Variants in STK32B observed in about 807,000 individuals in gnomAD.
The protein encoded by STK32B is serine/threonine kinase 32B, also known as serine/threonine-protein kinase 32B.
In STK32B, 43 loss-of-function variants were observed where a neutral mutation model predicts 52.6. The ratio of observed to expected loss-of-function variants is 0.82; its 90% CI spans 0.64 to 1.05. The LOEUF (loss-of-function observed/expected upper bound fraction) is 1.05, where lower values mean the gene tolerates loss of function less well. Ranked by LOEUF, STK32B falls within the 50% of genes least tolerant of loss-of-function variation. The probability of loss-of-function intolerance (pLI) is 0.00; values close to 1 mark genes in which losing one functional copy is unlikely to be tolerated. For synonymous variants in STK32B, 238 were observed against 204.3 expected (o/e 1.17, Z -1.41); for missense variants, 621 against 534.6 (o/e 1.16, Z -1.59).
At chr4:5,170,109 TG>T (rs768141629) in intron 3 of STK32B, among the ~76,000 whole-genome samples, 1 of 152,160 alleles carries the variant, frequency 6.6e-6, no homozygotes, top group East Asian at 1.9e-4. Context: ...TTCTGTCATG[TG>T]GGTTACTTGG....
intron 1 of STK32B, among the ~76,000 whole-genome samples, chr4:5,062,372 T>C (rs1028206720): frequency 1.3e-5 from 2 of 152,220 alleles, no homozygotes; most frequent in Non-Finnish European, 2.9e-5. Context: ...ACACACAAAA[T>C]GAGCCAACTC....
rs144910379 is a variant in STK32B, at chr4:5,319,874, G to A, written c.261-11346G>A. On this transcript the variant is annotated intron_variant, in intron 3 of 11. Transcript: ENST00000282908. ...CAGAGGATGTGGCTGCCTCTGCTGC[G>A]GGTGAGAAGCTGCCTCCCAGAATGA... is the stretch of plus-strand genomic sequence containing the variant. 3.1e-3 allele frequency among the ~76,000 whole-genome samples: 477 copies of A among 152,246 alleles called. 3 individuals carry two copies. The highest frequency in any genetic ancestry group is 0.011 in the African/African-American group (438 of 41,534).
intron 3 of STK32B, among the ~76,000 whole-genome samples, chr4:5,312,784 T>A (rs1730393025): frequency 1.3e-5 from 2 of 151,164 alleles, no homozygotes; most frequent in Admixed American, 6.6e-5. Context: ...TGATTTATAG[T>A]CCTTTGGGTA....
At chr4:5,171,269 C>G (rs1719348275) in intron 3 of STK32B, among the ~76,000 whole-genome samples, 1 of 152,058 alleles carries the variant, frequency 6.6e-6, no homozygotes, top group Non-Finnish European at 1.5e-5. Context: ...CCTGTTCACT[C>G]TGATGGTGGT....
chr4:5,368,840 A>G (rs1223577519), intron 4 of STK32B, among the ~76,000 whole-genome samples: 4 of 152,180 alleles, frequency 2.6e-5, no homozygotes, highest in African/African-American at 9.7e-5. Flanking sequence ...CTCCGCAGGA[A>G]GCTCATTCAT....
intron 6 of STK32B, among the ~76,000 whole-genome samples, chr4:5,445,703 A>G (rs954270091): frequency 1.4e-4 from 21 of 152,108 alleles, no homozygotes; most frequent in Admixed American, 7.9e-4. Context: ...AAAGTGAACA[A>G]TTCAGTAGCA....
intron 4 of STK32B, among the ~76,000 whole-genome samples, chr4:5,370,675 C>T (rs1436639533): frequency 6.6e-6 from 1 of 152,036 alleles, no homozygotes; most frequent in Non-Finnish European, 1.5e-5. Flanking sequence ...TTCACCTCAT[C>T]TGTTAAAAAA....
chr4:5,100,801 C>CTCTCCTTT (rs374041243), intron 1 of STK32B, among the ~76,000 whole-genome samples: 1 of 120,728 alleles, frequency 8.3e-6, no homozygotes, highest in Admixed American at 8.6e-5. Context: ...TATTCCTTCC[C>CTCTCCTTT]CTTCCTTCCT....
chr4:5,495,408 C>T (rs1380868362), intron 11 of STK32B, among the ~76,000 whole-genome samples: 2 of 152,170 alleles, frequency 1.3e-5, no homozygotes, highest in African/African-American at 4.8e-5. Context: ...AGTTCTCGAG[C>T]CTTGGCTTTC....
At chr4:5,324,792 G>C (rs534243903) in intron 3 of STK32B, among the ~76,000 whole-genome samples, 1 of 152,308 alleles carries the variant, frequency 6.6e-6, no homozygotes, top group South Asian at 2.1e-4. Flanking sequence ...GGAATATTGT[G>C]GGTGAACGTG....
chr4:5,130,480 C>T (rs1715692336), intron 1 of STK32B, among the ~76,000 whole-genome samples: 1 of 152,004 alleles, frequency 6.6e-6, no homozygotes, highest in East Asian at 1.9e-4. Flanking sequence ...AGAAGGTAGG[C>T]AAAAGGCAAA....
intron 3 of STK32B, among the ~76,000 whole-genome samples, chr4:5,315,912 C>G (rs1014446002): frequency 6.6e-6 from 1 of 150,438 alleles, no homozygotes; most frequent in Non-Finnish European, 1.5e-5. Context: ...GCTGTGTTGG[C>G]CAAGCTGATC....
intron 11 of STK32B, among the ~76,000 whole-genome samples, chr4:5,494,911 T>C (rs534802762): frequency 1.3e-5 from 2 of 152,360 alleles, no homozygotes; most frequent in Admixed American, 1.3e-4. Context: ...GCCCCCACTC[T>C]CTTCTGGCTT....
At chr4:5,203,938 C>T (rs971478267) in intron 3 of STK32B, 2 of 152,254 alleles carry the variant, frequency 1.3e-5, no homozygotes, top group Non-Finnish European at 2.9e-5. Context: ...TGTGAGAGCC[C>T]AGCTGTCTTG....
intron 3 of STK32B, among the ~76,000 whole-genome samples, chr4:5,330,935 A>G (rs1227484294): frequency 6.6e-6 from 1 of 152,192 alleles, no homozygotes; most frequent in Non-Finnish European, 1.5e-5. Flanking sequence ...GCTGGAGTCC[A>G]GTAGTAGTTA....
At chr4:5,441,438 G>A (rs1350224439) in intron 6 of STK32B, among the ~76,000 whole-genome samples, 1 of 150,534 alleles carries the variant, frequency 6.6e-6, no homozygotes, top group Admixed American at 6.6e-5. Flanking sequence ...ATTTCTGTGG[G>A]ATCAGTGGTG....
At chr4:5,291,531 T>C (rs1728891210) in intron 3 of STK32B, among the ~76,000 whole-genome samples, 1 of 152,188 alleles carries the variant, frequency 6.6e-6, no homozygotes, top group Admixed American at 6.5e-5. Flanking sequence ...ACTAAATTCA[T>C]GTATTAGTTC....
intron 3 of STK32B, among the ~76,000 whole-genome samples, chr4:5,258,646 C>T (rs1726492683): frequency 6.6e-6 from 1 of 152,294 alleles, no homozygotes. Flanking sequence ...TCCTTCAGCA[C>T]ATCCAGGATC....
intron 3 of STK32B, among the ~76,000 whole-genome samples, chr4:5,324,833 G>C (rs939171222): frequency 3.3e-5 from 5 of 152,200 alleles, no homozygotes; most frequent in African/African-American, 1.2e-4. Flanking sequence ...TCCATCCAGG[G>C]ACTTGTCCTA....
Sources: gnomAD v4.1 joint callset for allele counts (sites outside exome capture counted in the v4.1 genomes callset) on GRCh38, gnomAD v4.1.1 for gene constraint, MANE v1.5 for transcripts, NCBI Gene and HGNC (gene_info 2026-07-23, HGNC 2026-07-21) for gene names.